Variants in RNPC3 observed in about 807,000 individuals in gnomAD.
The protein encoded by RNPC3 is RNA-binding region-containing protein 3.
RNPC3 carries 48 observed loss-of-function variants against 67.5 expected under a neutral mutation model. The observed-to-expected ratio is 0.71, with a 90% CI of 0.56 to 0.90. The LOEUF is 0.90. Among genes scored for constraint, RNPC3 ranks in the 40% least tolerant of loss-of-function variants. The pLI, the probability that RNPC3 is intolerant of heterozygous loss-of-function variation, is 0.00. For missense variants in RNPC3, 637 were observed against 626.1 expected, an observed-to-expected ratio of 1.02 and a Z score of -0.19; for synonymous variants, 239 against 210.3, an observed-to-expected ratio of 1.14 and a Z score of -1.18.
rs773279856 is a variant in RNPC3 at position 103,526,055 on chromosome 1, T to C, written c.-16T>C. The C allele has an allele frequency of 6.6e-6, 10 of 1,508,122 alleles. No individual in the cohort carries two copies. The African/African-American group carries it at 1.1e-4, about 17-fold the overall frequency. The allele number at this position is 1,508,122 out of a possible 1,614,324, so 93.4% of individuals were successfully genotyped here. On this transcript the variant is annotated 5_prime_UTR_variant, in exon 1 of 15. Coordinates refer to ENST00000423855, the MANE Select transcript of RNPC3 (RefSeq NM_017619.4). ...GACTTCTTCCCACGATTTCTGTTTT[T>C]GCTTCTCCAAGGAAAATGGCAGCTC...
At chr1:103,554,911 A>C (rs1651497750) in intron 14 of RNPC3, 123 bp from the exon 15 acceptor site, 1 of 152,250 alleles carries the variant, frequency 6.6e-6, no homozygotes, top group South Asian at 2.1e-4. Context: ...TATTTAGATA[A>C]ATTTTGTTAT....
chr1:103,544,166 G>A (rs1021771263), intron 9 of RNPC3, among the ~76,000 whole-genome samples: 2 of 151,490 alleles, frequency 1.3e-5, no homozygotes, highest in Admixed American at 1.3e-4. Context: ...ATACATACAT[G>A]TGTGTGTGTT....
chr1:103,548,587 C>T (rs1651305317), intron 12 of RNPC3, among the ~76,000 whole-genome samples: 2 of 152,190 alleles, frequency 1.3e-5, no homozygotes, highest in African/African-American at 4.8e-5. Flanking sequence ...ATATCATTAT[C>T]AGCATTTTGG....
At chr1:103,554,921 T>A (rs1428814367) in intron 14 of RNPC3, 113 bp from the exon 15 acceptor site, 1 of 152,230 alleles carries the variant, frequency 6.6e-6, no homozygotes, top group African/African-American at 2.4e-5. Flanking sequence ...AATTTTGTTA[T>A]ACTGACATGA....
chr1:103,550,836 G>A (rs1651370326), intron 12 of RNPC3, 105 bp from the exon 13 acceptor site: 1 of 1,084,314 alleles, frequency 9.2e-7, no homozygotes, highest in Non-Finnish European at 1.4e-6. Context: ...CTATCAAATA[G>A]TGTAGTCACT....
In RNPC3 at chr1:103,534,943, A is replaced by G. The variant is rs566603010; in HGVS notation, c.443+86A>G. ...TATCTTACTGCTTTTTGCTTATTAT[A>G]TATTGTAATATACAGATATCTTATT... On this transcript the variant is annotated intron_variant, in intron 4 of 14. Transcript: ENST00000423855. 2.7e-4 allele frequency: 191 copies of G among 698,796 alleles called. No individual in the cohort carries two copies. The African/African-American group carries it at 2.8e-3, about 10-fold the overall frequency. 43.3% of individuals were successfully genotyped at this position (698,796 alleles called of 1,614,324 possible). A position where few individuals can be genotyped will look rare whatever the true frequency, so the allele number is the denominator to read the frequency against.
At chr1:103,549,528 AT>A (rs1651335630) in intron 12 of RNPC3, among the ~76,000 whole-genome samples, 1 of 152,164 alleles carries the variant, frequency 6.6e-6, no homozygotes, top group Non-Finnish European at 1.5e-5. Context: ...GGAAAAAAAA[AT>A]TACTTTACTG....
intron 1 of RNPC3, among the ~76,000 whole-genome samples, chr1:103,527,189 C>A (rs1485357732): frequency 6.6e-6 from 1 of 152,104 alleles, no homozygotes; most frequent in Non-Finnish European, 1.5e-5. Flanking sequence ...TGTTTCTTTT[C>A]TGATGGTTTT....
chr1:103,549,872 T>A (rs1315022354), intron 12 of RNPC3, among the ~76,000 whole-genome samples: 1 of 152,062 alleles, frequency 6.6e-6, no homozygotes, highest in Non-Finnish European at 1.5e-5. Flanking sequence ...AATAATATAA[T>A]GAACTCTAGG....
At chr1:103,544,152 G>A (rs1651189309) in intron 9 of RNPC3, among the ~76,000 whole-genome samples, 1 of 151,662 alleles carries the variant, frequency 6.6e-6, no homozygotes, top group South Asian at 2.1e-4. Context: ...TTTGGTATGT[G>A]TATATACATA....
chr1:103,531,208 T>A (rs1200467521), intron 2 of RNPC3, among the ~76,000 whole-genome samples: 1 of 151,654 alleles, frequency 6.6e-6, no homozygotes, highest in Non-Finnish European at 1.5e-5. Context: ...GTATTCCATG[T>A]TATATATATA....
At position 103,543,329 on chromosome 1, in the gene RNPC3, A is replaced by G; in HGVS notation, c.927A>G (p.Val309=). The G allele has an allele frequency of 6.6e-7, 1 of 1,504,368 alleles. No individual in the cohort carries two copies. Among genetic ancestry groups the G allele is most frequent in the Non-Finnish European group, 8.8e-7 (1 of 1,133,110 alleles). 93.2% of individuals were successfully genotyped at this position (1,504,368 alleles called of 1,614,324 possible). A position where few individuals can be genotyped will look rare whatever the true frequency, so the allele number is the denominator to read the frequency against. The change falls in exon 9 of 15, where the codon GTA becomes GTG. Residue 309 remains valine, a synonymous_variant. Coordinates refer to ENST00000423855, the MANE Select transcript of RNPC3 (RefSeq NM_017619.4). The part of the protein sequence containing the change: ...SLHPVLLPSD[V]FDQPQPVGNK... ...ATCCAGTGCTGTTACCTTCAGATGT[A>G]TTTGACCAACCACAACCTGTAGGTA...
chr1:103,538,783 C>G (rs1395458448), intron 7 of RNPC3, among the ~76,000 whole-genome samples: 1 of 152,194 alleles, frequency 6.6e-6, no homozygotes, highest in East Asian at 1.9e-4. Flanking sequence ...TCATACAAAA[C>G]TATAATTAGT....
intron 2 of RNPC3, among the ~76,000 whole-genome samples, chr1:103,528,202 C>G (rs985055925): frequency 3.9e-5 from 6 of 152,102 alleles, no homozygotes; most frequent in Non-Finnish European, 7.4e-5. Context: ...ATAAGTGGAG[C>G]AGGAGCTAAG....
chr1:103,549,141 T>TCAC (rs1337306377), intron 12 of RNPC3, among the ~76,000 whole-genome samples: 13 of 152,198 alleles, frequency 8.5e-5, no homozygotes. Flanking sequence ...TATCAGCTAA[T>TCAC]GTTTGGAGTT....
chr1:103,527,818 G>A, intron 2 of RNPC3, 76 bp downstream of exon 2: 3 of 1,107,744 alleles, frequency 2.7e-6, no homozygotes, highest in Non-Finnish European at 3.9e-6. Context: ...ATGTTTAACT[G>A]TGGTTTTTAA....
intron 4 of RNPC3, 143 bp downstream of exon 4, chr1:103,535,000 C>T (rs1026097836): frequency 3.7e-6 from 2 of 536,698 alleles, no homozygotes; most frequent in African/African-American, 3.9e-5. Context: ...ATACAGATAT[C>T]TTATTGCAAA....
rs746883668 is a variant in RNPC3 at position 103,551,119 on chromosome 1, G to A, written c.1494+46G>A. 3.5e-4 allele frequency: 509 copies of A among 1,439,606 alleles called. 2 individuals carry two copies. The highest frequency in any genetic ancestry group is 4.5e-4 in the Non-Finnish European group (487 of 1,072,328). 89.2% of individuals were successfully genotyped at this position (1,439,606 alleles called of 1,614,324 possible). A position where few individuals can be genotyped will look rare whatever the true frequency, so the allele number is the denominator to read the frequency against. ...TTTCAAAACTATATAATTTTTAGAA[G>A]GATATAACTGAAATTAATTTTCATG... On this transcript the variant is annotated intron_variant, in intron 13 of 14. Coordinates refer to ENST00000423855, the MANE Select transcript of RNPC3 (RefSeq NM_017619.4).
intron 2 of RNPC3, among the ~76,000 whole-genome samples, chr1:103,531,608 C>T (rs1043507310): frequency 6.6e-6 from 1 of 152,068 alleles, no homozygotes; most frequent in African/African-American, 2.4e-5. Flanking sequence ...TGATGTTGAG[C>T]AGTTTTTCAT....
Sources: allele counts gnomAD v4.1 joint callset (sites outside exome capture counted in the v4.1 genomes callset), GRCh38; gene constraint gnomAD v4.1.1; transcripts MANE v1.5; gene names NCBI Gene and HGNC (gene_info 2026-07-23, HGNC 2026-07-21).